Variants in SPON1 observed in about 807,000 individuals in gnomAD.
SPON1 encodes spondin-1.
Under a neutral mutation model 111.7 loss-of-function variants are expected in SPON1, and 52 were observed. That is an observed-to-expected ratio of 0.47 (90% CI 0.37 to 0.59). SPON1 has a LOEUF of 0.59. Ranked by LOEUF, SPON1 falls within the 20% of genes least tolerant of loss-of-function variation. The pLI, the probability that SPON1 is intolerant of heterozygous loss-of-function variation, is 0.00. For synonymous variants in SPON1, 410 were observed against 395.8 expected (o/e 1.04, Z -0.43); for missense variants, 957 against 1,068.5 (o/e 0.90, Z 1.46).
At chr11:14,087,229 G>A (rs1238137901) in intron 5 of SPON1, among the ~76,000 whole-genome samples, 1 of 152,016 alleles carries the variant, frequency 6.6e-6, no homozygotes, top group Non-Finnish European at 1.5e-5. Context: ...TCTTTTAATT[G>A]TGATGTTAGG....
intron 7 of SPON1, among the ~76,000 whole-genome samples, chr11:14,246,603 AAAAC>A (rs1848992959): frequency 6.6e-6 from 1 of 152,202 alleles, no homozygotes; most frequent in Non-Finnish European, 1.5e-5. Flanking sequence ...CACCTACCCC[AAAAC>A]AAACAAAATC....
chr11:13,996,711 GTA>G (rs145375464), intron 2 of SPON1, among the ~76,000 whole-genome samples: 7 of 145,058 alleles, frequency 4.8e-5, no homozygotes, highest in Non-Finnish European at 7.4e-5. Flanking sequence ...ACCTATGTGT[GTA>G]TATATATATA....
At chr11:14,167,770 G>T (rs1554931983) in intron 6 of SPON1, among the ~76,000 whole-genome samples, 1 of 151,992 alleles carries the variant, frequency 6.6e-6, no homozygotes, top group Admixed American at 6.6e-5. Flanking sequence ...CCCAGATTCT[G>T]GTCCCACATC....
chr11:14,122,104 G>T (rs1302227713), intron 5 of SPON1, among the ~76,000 whole-genome samples: 1 of 151,770 alleles, frequency 6.6e-6, no homozygotes, highest in Non-Finnish European at 1.5e-5. Flanking sequence ...TGTTGATCTG[G>T]GATCTATAGG....
rs1279280096 is a variant in SPON1 at position 14,256,744 on chromosome 11, T to C, written c.1309+52T>C. ...GGCAACATAAATTGACATAACCCTT[T>C]GAGAAAGCAATTTGCTAACCTGTTT... On this transcript the variant is annotated intron_variant, in intron 10 of 15. Transcript: ENST00000576479. The C allele has an allele frequency of 1.3e-5, 19 of 1,419,892 alleles. No individual in the cohort carries two copies. In the South Asian group the frequency reaches 2.1e-4, roughly 16 times the overall value. The allele number at this position is 1,419,892 out of a possible 1,614,324, so 88.0% of individuals were successfully genotyped here.
intron 3 of SPON1, among the ~76,000 whole-genome samples, chr11:14,072,130 T>C (rs1221718158): frequency 3.9e-5 from 6 of 152,206 alleles, no homozygotes; most frequent in African/African-American, 1.4e-4. Context: ...CCACGGGTTT[T>C]GGGTGAAGAA....
At chr11:14,221,443 AG>A (rs1848679379) in intron 6 of SPON1, among the ~76,000 whole-genome samples, 1 of 152,196 alleles carries the variant, frequency 6.6e-6, no homozygotes, top group Non-Finnish European at 1.5e-5. Context: ...TCTTAATTCA[AG>A]GCCTAGGCTA....
chr11:14,151,111 GC>G (rs1203765306), intron 6 of SPON1, among the ~76,000 whole-genome samples: 3 of 152,182 alleles, frequency 2.0e-5, no homozygotes, highest in East Asian at 3.9e-4. Flanking sequence ...TTTCCAAAGA[GC>G]CATATGCGAA....
intron 14 of SPON1, among the ~76,000 whole-genome samples, chr11:14,261,846 T>C (rs1554941931): frequency 6.6e-6 from 1 of 151,198 alleles, no homozygotes; most frequent in Admixed American, 6.6e-5. Flanking sequence ...TACAACCTAA[T>C]GAAAAAAAAA....
At position 13,982,012 on chromosome 11, in the gene SPON1, A is replaced by G. The variant is rs570805714; in HGVS notation, c.239-835A>G. On this transcript the variant is annotated intron_variant, in intron 1 of 15. Transcript: ENST00000576479. ...GCTTTCTGTGGTTTCAGTTACCTGC[A>G]GTAAACTGTGGTCCAAAACTATCAA... 3.5e-3 allele frequency among the ~76,000 whole-genome samples: 530 copies of G among 152,366 alleles called. 2 individuals are homozygous for G. The highest frequency in any genetic ancestry group is 6.8e-3 in the Middle Eastern group (2 of 294).
At chr11:13,965,388 T>C (rs1182868855) in intron 1 of SPON1, among the ~76,000 whole-genome samples, 1 of 152,160 alleles carries the variant, frequency 6.6e-6, no homozygotes, top group Non-Finnish European at 1.5e-5. Context: ...ACACTAATCC[T>C]CCGTGTTTTA....
At chr11:14,199,478 C>T (rs1279717366) in intron 6 of SPON1, among the ~76,000 whole-genome samples, 1 of 151,958 alleles carries the variant, frequency 6.6e-6, no homozygotes, top group Non-Finnish European at 1.5e-5. Flanking sequence ...TTTCCTGGTT[C>T]AGGCCTCATC....
At chr11:14,234,500 AT>A (rs750137999) in intron 6 of SPON1, among the ~76,000 whole-genome samples, 6 of 152,238 alleles carry the variant, frequency 3.9e-5, no homozygotes, top group Non-Finnish European at 8.8e-5. Flanking sequence ...TAAAAAGAAC[AT>A]AATAAAAATG....
chr11:14,193,377 C>T (rs546095246), intron 6 of SPON1, among the ~76,000 whole-genome samples: 1 of 152,114 alleles, frequency 6.6e-6, no homozygotes, highest in Non-Finnish European at 1.5e-5. Flanking sequence ...GTACCCCATG[C>T]CGAACCTCAT....
chr11:14,223,440 A>T (rs1366995047), intron 6 of SPON1, among the ~76,000 whole-genome samples: 1 of 152,194 alleles, frequency 6.6e-6, no homozygotes, highest in Non-Finnish European at 1.5e-5. Context: ...CCAAAATACG[A>T]TGCAATAAAA....
Position 14,268,015 on chromosome 11 carries a change from C to A in SPON1, c.*2328C>A, listed in dbSNP as rs1195140401. On this transcript the variant is annotated 3_prime_UTR_variant, in exon 16 of 16. Transcript: ENST00000576479. ...TCCCAACCAGACATTGGGTCACTCA[C>A]TGGTCACCTTGCCAGTGCATTTTAT... The A allele has an allele frequency of 6.6e-6, 1 of 152,162 alleles. No individual in the cohort carries two copies. Among genetic ancestry groups the A allele is most frequent in the Non-Finnish European group, 1.5e-5 (1 of 68,046 alleles). The allele number at this position is 152,162 out of a possible 1,614,324, so 9.4% of individuals were successfully genotyped here.
At chr11:14,027,362 T>C (rs1554915483) in intron 2 of SPON1, among the ~76,000 whole-genome samples, 3 of 152,196 alleles carry the variant, frequency 2.0e-5, no homozygotes, top group African/African-American at 7.2e-5. Context: ...AACTGCCTAG[T>C]ATGAGTTTAC....
intron 6 of SPON1, among the ~76,000 whole-genome samples, chr11:14,153,109 A>T (rs1214339554): frequency 6.6e-6 from 1 of 152,194 alleles, no homozygotes; most frequent in African/African-American, 2.4e-5. Flanking sequence ...TTCGCATGTT[A>T]GTTTTACTTC....
intron 2 of SPON1, among the ~76,000 whole-genome samples, chr11:13,996,276 A>T (rs1256989885): frequency 6.6e-6 from 1 of 152,242 alleles, no homozygotes; most frequent in Non-Finnish European, 1.5e-5. Flanking sequence ...TATAATGCAC[A>T]AACAACACAT....
Sources: gnomAD v4.1 joint callset for allele counts (sites outside exome capture counted in the v4.1 genomes callset) on GRCh38, gnomAD v4.1.1 for gene constraint, MANE v1.5 for transcripts, NCBI Gene and HGNC (gene_info 2026-07-23, HGNC 2026-07-21) for gene names.